CDC42: variants seen among roughly 807,000 people sequenced by gnomAD.
CDC42 encodes cell division control protein 42 homolog.
CDC42 carries 1 observed loss-of-function variant against 20.8 expected under a neutral mutation model. The ratio of observed to expected loss-of-function variants is 0.05; its 90% confidence interval spans 0.02 to 0.23. The LOEUF is 0.23. Ranked by LOEUF, CDC42 falls within the 10% of genes least tolerant of loss-of-function variation. The probability of loss-of-function intolerance (pLI) is 1.00; values close to 1 mark genes in which losing one functional copy is unlikely to be tolerated. For missense variants in CDC42, 49 were observed against 227.9 expected (o/e 0.21, Z 5.05); for synonymous variants, 72 against 84.8 (o/e 0.85, Z 0.83).
At position 22,091,559 on chromosome 1, in the gene CDC42, C is replaced by T; in HGVS notation, c.*42C>T. On this transcript the variant is annotated 3_prime_UTR_variant, in exon 6 of 6. Coordinates refer to ENST00000656825, the MANE Select transcript of CDC42 (RefSeq NM_001791.4). Reference sequence around the variant, plus strand: ...CTTTCTGCACAGCTGGTGTCGGCATCATACTAAAAGCAATGTTTAAATCAA... The same window carrying T: ...CTTTCTGCACAGCTGGTGTCGGCATTATACTAAAAGCAATGTTTAAATCAA... 7.6e-7 allele frequency: 1 copy of T among 1,322,498 alleles called. No individual in the cohort carries two copies. The highest frequency in any genetic ancestry group is 2.3e-5 in the East Asian group (1 of 43,402). 81.9% of individuals were successfully genotyped at this position (1,322,498 alleles called of 1,614,324 possible). A position where few individuals can be genotyped will look rare whatever the true frequency, so the allele number is the denominator to read the frequency against.
At chr1:22,072,393 G>A (rs1212641552) in intron 1 of CDC42, among the ~76,000 whole-genome samples, 1 of 151,956 alleles carries the variant, frequency 6.6e-6, no homozygotes, top group Non-Finnish European at 1.5e-5. Flanking sequence ...CACCGTGCCT[G>A]GCCGTTTTAC....
Position 22,098,336 on chromosome 1 carries a change from G to A in CDC42, c.*6819G>A, listed in dbSNP as rs1299736793. 4.1e-5 allele frequency among the ~76,000 whole-genome samples: 6 copies of A among 146,672 alleles called. No individual in the cohort carries two copies. In the East Asian group the frequency reaches 5.8e-4, roughly 14 times the overall value. On this transcript the variant is annotated 3_prime_UTR_variant, in exon 6 of 6. Transcript: ENST00000656825. ...TGGTTGGTGAACAATTAGATGGGAAGGCTGAAAAAAAAAATACTCCTGAGA... is the reference window on the plus strand; with the variant it reads ...TGGTTGGTGAACAATTAGATGGGAAAGCTGAAAAAAAAAATACTCCTGAGA...
intron 5 of CDC42, among the ~76,000 whole-genome samples, chr1:22,087,650 C>G (rs1190743616): frequency 6.6e-6 from 1 of 152,188 alleles, no homozygotes; most frequent in Non-Finnish European, 1.5e-5. Flanking sequence ...TTATGTTCTA[C>G]TGGTACTGGT....
At chr1:22,054,117 C>T (rs979296542) in intron 1 of CDC42, among the ~76,000 whole-genome samples, 1 of 152,036 alleles carries the variant, frequency 6.6e-6, no homozygotes, top group African/African-American at 2.4e-5. Flanking sequence ...CTATGCTAGA[C>T]ATTTTAGTTT....
Position 22,069,396 on chromosome 1 carries a change from G to A in CDC42, c.-50-9033G>A, listed in dbSNP as rs576543138. 2.6e-5 allele frequency among the ~76,000 whole-genome samples: 4 copies of A among 151,910 alleles called. No homozygotes were observed. The South Asian group carries it at 6.2e-4, about 24-fold the overall frequency. On this transcript the variant is annotated intron_variant, in intron 1 of 5. Transcript: ENST00000656825. ...TCACCATGTTGGCCAGATTGGTCTC[G>A]AACTCCTGACCTCAAGTGATCTGCC...
At chr1:22,081,192 A>G (rs1263415136) in intron 2 of CDC42, among the ~76,000 whole-genome samples, 1 of 152,122 alleles carries the variant, frequency 6.6e-6, no homozygotes, top group Non-Finnish European at 1.5e-5. Context: ...CCAGCAAATA[A>G]TCTGCCAGCT....
At chr1:22,066,247 T>C (rs1320521409) in intron 1 of CDC42, among the ~76,000 whole-genome samples, 2 of 152,080 alleles carry the variant, frequency 1.3e-5, no homozygotes, top group Non-Finnish European at 2.9e-5. Context: ...AGGTGGTGCA[T>C]GCTTGTAGTC....
chr1:22,071,998 A>G (rs1308152759), intron 1 of CDC42, among the ~76,000 whole-genome samples: 1 of 151,784 alleles, frequency 6.6e-6, no homozygotes, highest in Non-Finnish European at 1.5e-5. Flanking sequence ...ACCTCTGCCC[A>G]GTAGACTACA....
intron 3 of CDC42, among the ~76,000 whole-genome samples, chr1:22,084,516 A>AT (rs1236348528): frequency 6.6e-5 from 10 of 150,952 alleles, no homozygotes; most frequent in South Asian, 2.1e-4. Flanking sequence ...TTGAATTGGG[A>AT]TTTTTTTTTT....
rs373353167 is a variant in CDC42 at position 22,094,581 on chromosome 1, G to A, written c.*3064G>A. Among the ~76,000 whole-genome samples, 6 of 148,826 alleles carry A rather than the reference G, an allele frequency of 4.0e-5. No individual in the cohort carries two copies. In the East Asian group the frequency reaches 9.7e-4, roughly 24 times the overall value. On this transcript the variant is annotated 3_prime_UTR_variant, in exon 6 of 6. Transcript: ENST00000656825. ...CAAAGTGCTGGGATTACAGGCGTGA[G>A]CCACCGCGCCCGGCCAGAAATAGAT...
intron 2 of CDC42, among the ~76,000 whole-genome samples, chr1:22,079,844 A>C (rs1189321005): frequency 6.6e-6 from 1 of 152,094 alleles, no homozygotes; most frequent in East Asian, 1.9e-4. Context: ...CTGGTGTTAT[A>C]TTTTAAGTGG....
chr1:22,071,168 C>T (rs190076702), intron 1 of CDC42, among the ~76,000 whole-genome samples: 339 of 151,288 alleles, frequency 2.2e-3, no homozygotes, highest in African/African-American at 7.4e-3. Context: ...CTCAGCCTCC[C>T]GAGTAGCTGG....
rs1451580662 is a variant in CDC42, at chr1:22,094,504, A to G, written c.*2987A>G. ...AGTAGAGACGGGGTTTCACCGTGTTAGCCAGAATGGTCTCGATCTCCTGAC... is the reference window on the plus strand; with the variant it reads ...AGTAGAGACGGGGTTTCACCGTGTTGGCCAGAATGGTCTCGATCTCCTGAC... On this transcript the variant is annotated 3_prime_UTR_variant, in exon 6 of 6. Transcript: ENST00000656825. 2.7e-5 allele frequency among the ~76,000 whole-genome samples: 4 copies of G among 149,266 alleles called. No individual in the cohort carries two copies. The highest frequency in any genetic ancestry group is 2.7e-4 in the Admixed American group (4 of 14,982).
intron 1 of CDC42, among the ~76,000 whole-genome samples, chr1:22,070,487 A>G (rs1291766023): frequency 2.0e-5 from 2 of 101,026 alleles, no homozygotes; most frequent in Middle Eastern, 0.012. Context: ...TTTTTGAGAC[A>G]GAGTCTCGCT....
intron 1 of CDC42, chr1:22,068,391 AT>A: frequency 6.5e-6 from 1 of 153,402 alleles, no homozygotes. Flanking sequence ...GTAGGTCTCC[AT>A]TTTCATTGTC....
At chr1:22,072,760 GAC>G (rs1353117558) in intron 1 of CDC42, among the ~76,000 whole-genome samples, 2 of 152,098 alleles carry the variant, frequency 1.3e-5, no homozygotes, top group Non-Finnish European at 1.5e-5. Context: ...AAAAACAAGA[GAC>G]ACTCAGCACT....
chr1:22,084,714 C>G (rs1645644208), intron 3 of CDC42, among the ~76,000 whole-genome samples: 1 of 152,056 alleles, frequency 6.6e-6, no homozygotes. Flanking sequence ...GATATCCAAA[C>G]AAATTATTGC....
intron 1 of CDC42, among the ~76,000 whole-genome samples, chr1:22,067,025 A>G (rs923851031): frequency 6.6e-6 from 1 of 152,124 alleles, no homozygotes; most frequent in African/African-American, 2.4e-5. Context: ...ATTGGGCCAA[A>G]AAAGACCTGA....
chr1:22,070,827 TC>T (rs1645481962), intron 1 of CDC42, among the ~76,000 whole-genome samples: 1 of 151,776 alleles, frequency 6.6e-6, no homozygotes, highest in Non-Finnish European at 1.5e-5. Flanking sequence ...AAACGTGAGG[TC>T]CCGTTCCAGC....
Sources: gnomAD v4.1 joint callset for allele counts (sites outside exome capture counted in the v4.1 genomes callset) on GRCh38, gnomAD v4.1.1 for gene constraint, MANE v1.5 for transcripts, NCBI Gene and HGNC (gene_info 2026-07-23, HGNC 2026-07-21) for gene names.